Variants in DNAJC15 observed in about 807,000 individuals in gnomAD.
DNAJC15 encodes the protein DnaJ heat shock protein family (Hsp40) member C15.
A neutral mutation model predicts 22.4 loss-of-function variants in DNAJC15; 27 were observed. The observed-to-expected ratio is 1.20, with a 90% confidence interval of 0.89 to 1.66. DNAJC15 has a LOEUF of 1.66. Among genes scored for constraint, DNAJC15 ranks in the 40% most tolerant of loss-of-function variants. The pLI, the probability that DNAJC15 is intolerant of heterozygous loss-of-function variation, is 0.00. For synonymous variants in DNAJC15, 79 were observed against 63.2 expected, an observed-to-expected ratio of 1.25 and a Z score of -1.19; for missense variants, 208 against 187.1, an observed-to-expected ratio of 1.11 and a Z score of -0.65.
intron 4 of DNAJC15, among the ~76,000 whole-genome samples, chr13:43,085,536 T>G (rs1418512544): frequency 6.6e-6 from 1 of 152,136 alleles, no homozygotes; most frequent in Non-Finnish European, 1.5e-5. Flanking sequence ...TTTTTTAAAT[T>G]GATTGAGAAT....
At chr13:43,051,042 T>A (rs1025957998) in intron 1 of DNAJC15, among the ~76,000 whole-genome samples, 2 of 152,202 alleles carry the variant, frequency 1.3e-5, no homozygotes, top group African/African-American at 4.8e-5. Flanking sequence ...TGGCGCAATC[T>A]CAGCTCACTG....
At position 43,108,061 on chromosome 13, in the gene DNAJC15, A is replaced by G. The variant is rs2040806693; in HGVS notation, c.*813A>G. 1 of 152,658 alleles carries G rather than the reference A, an allele frequency of 6.6e-6. No individual in the cohort carries two copies. The highest frequency in any genetic ancestry group is 1.9e-4 in the East Asian group (1 of 5,208). 9.5% of individuals were successfully genotyped at this position (152,658 alleles called of 1,614,324 possible). A position where few individuals can be genotyped will look rare whatever the true frequency, so the allele number is the denominator to read the frequency against. ...GCAGTCATGGATCATGAACCAAAGG[A>G]ACTTATATGTAGAGGAAGGATAAAT... On this transcript the variant is annotated 3_prime_UTR_variant, in exon 6 of 6. Coordinates refer to ENST00000379221, the MANE Select transcript of DNAJC15 (RefSeq NM_013238.3).
At chr13:43,065,230 A>T (rs73473990) in intron 1 of DNAJC15, among the ~76,000 whole-genome samples, 1 of 152,140 alleles carries the variant, frequency 6.6e-6, no homozygotes, top group Non-Finnish European at 1.5e-5. Flanking sequence ...ATCATTTTTG[A>T]TAAGTTTGGA....
chr13:43,094,849 G>A lies in DNAJC15; in HGVS notation c.382+9011G>A, dbSNP rs7319714. Among the ~76,000 whole-genome samples the A allele has an allele frequency of 4.0e-3, 602 of 152,008 alleles. 4 individuals carry two copies. Among genetic ancestry groups the A allele is most frequent in the African/African-American group, 0.013 (558 of 41,436 alleles). ...ATTGCCCATACTTCTAATTTCTTGC[G>A]TTCCACCAAGAATCATCAAATAATC... On this transcript the variant is annotated intron_variant, in intron 5 of 5. Coordinates refer to ENST00000379221, the MANE Select transcript of DNAJC15 (RefSeq NM_013238.3).
chr13:43,076,578 T>C (rs2040634861), intron 3 of DNAJC15, among the ~76,000 whole-genome samples: 1 of 152,234 alleles, frequency 6.6e-6, no homozygotes, highest in Admixed American at 6.5e-5. Flanking sequence ...TTTTATTTCA[T>C]GTAAGCATAC....
At chr13:43,086,645 A>G (rs1221754114) in intron 5 of DNAJC15, among the ~76,000 whole-genome samples, 1 of 152,194 alleles carries the variant, frequency 6.6e-6, no homozygotes, top group Non-Finnish European at 1.5e-5. Context: ...TTTTTTCGCT[A>G]AGCATCATCT....
rs553343620 is a variant in DNAJC15 at position 43,085,929 on chromosome 13, A to G, written c.382+91A>G. 2.9e-4 allele frequency: 356 copies of G among 1,215,114 alleles called. 1 individual carries two copies. Among genetic ancestry groups the G allele is most frequent in the Non-Finnish European group, 3.6e-4 (308 of 855,758 alleles). 75.3% of individuals were successfully genotyped at this position (1,215,114 alleles called of 1,614,324 possible). A position where few individuals can be genotyped will look rare whatever the true frequency, so the allele number is the denominator to read the frequency against. On this transcript the variant is annotated intron_variant, in intron 5 of 5. Coordinates refer to ENST00000379221, the MANE Select transcript of DNAJC15 (RefSeq NM_013238.3). ...AAGTCATATATGATATATAGTTGAG[A>G]TGGAAGTTTGTGCGCCACATGTATT...
chr13:43,039,817 A>G (rs1256663107), intron 1 of DNAJC15, among the ~76,000 whole-genome samples: 6 of 152,170 alleles, frequency 3.9e-5, no homozygotes, highest in African/African-American at 1.4e-4. Context: ...GGAGTTCAAA[A>G]TGACCAGCCT....
intron 1 of DNAJC15, among the ~76,000 whole-genome samples, chr13:43,051,455 C>T (rs747801541): frequency 2.6e-5 from 4 of 152,114 alleles, no homozygotes; most frequent in Admixed American, 6.5e-5. Context: ...CCCCACAATC[C>T]GTTGTATCAA....
At chr13:43,066,364 T>TGG (rs2040584069) in intron 2 of DNAJC15, among the ~76,000 whole-genome samples, 2 of 152,146 alleles carry the variant, frequency 1.3e-5, no homozygotes, top group African/African-American at 2.4e-5. Flanking sequence ...CCTTGGCTCA[T>TGG]GGACCCTTCC....
rs1254019042 is a variant in DNAJC15, at chr13:43,078,626, C to G, written c.249C>G (p.Tyr83Ter). The change falls in exon 4 of 6, where the codon TAC (tyrosine) becomes TAG (stop). Residue 83 changes from tyrosine to a stop codon, truncating the protein, a stop_gained. Coordinates refer to ENST00000379221, the MANE Select transcript of DNAJC15 (RefSeq NM_013238.3). LOFTEE classifies it high-confidence loss of function. ...KKISTPSFSS[Y>*]YKGGFEQKMS... ...TTCCTATACAGAGCTTTTCATCCTA[C>G]TATAAAGGAGGATTTGAACAGAAAA... is the stretch of plus-strand genomic sequence containing the variant. 6.2e-7 allele frequency: 1 copy of G among 1,613,242 alleles called. No individual in the cohort carries two copies. The highest frequency in any genetic ancestry group is 1.1e-5 in the South Asian group (1 of 90,978).
rs527305043 is a variant in DNAJC15, at chr13:43,049,615, A to G, written c.109-16071A>G. ...AGATGTTATTTTATTTTTAAAATTA[A>G]AGCCAAAGAAAGGTATGGTCAGGAG... On this transcript the variant is annotated intron_variant, in intron 1 of 5. Coordinates refer to ENST00000379221, the MANE Select transcript of DNAJC15 (RefSeq NM_013238.3). Among the ~76,000 whole-genome samples the G allele has an allele frequency of 5.9e-5, 9 of 152,346 alleles. 1 individual carries two copies. In the East Asian group the frequency reaches 1.2e-3, roughly 20 times the overall value.
In DNAJC15 at chr13:43,069,409, C is replaced by T. The variant is rs73473993; in HGVS notation, c.234+406C>T. On this transcript the variant is annotated intron_variant, in intron 3 of 5. Transcript: ENST00000379221. The stretch of plus-strand genomic sequence containing the variant: ...GATGAAGCTTATCCAAGAGTTGATG[C>T]CATCTTGTAATTTGAAACTAGTCCC... 1.4e-3 allele frequency among the ~76,000 whole-genome samples: 211 copies of T among 152,210 alleles called. 1 individual carries two copies. The highest frequency in any genetic ancestry group is 4.9e-3 in the African/African-American group (203 of 41,528).
At chr13:43,085,401 G>A (rs2040682933) in intron 4 of DNAJC15, among the ~76,000 whole-genome samples, 1 of 151,960 alleles carries the variant, frequency 6.6e-6, no homozygotes. Context: ...TATGCCTCTG[G>A]AATCCAAATA....
At chr13:43,068,120 G>GA (rs1345817564) in intron 2 of DNAJC15, among the ~76,000 whole-genome samples, 1 of 152,088 alleles carries the variant, frequency 6.6e-6, no homozygotes, top group Non-Finnish European at 1.5e-5. Context: ...GTTAGAAGTT[G>GA]AATTAAAGCC....
At chr13:43,079,807 T>G (rs1336760380) in intron 4 of DNAJC15, among the ~76,000 whole-genome samples, 1 of 152,148 alleles carries the variant, frequency 6.6e-6, no homozygotes. Flanking sequence ...TGACTGTATT[T>G]TTACATTCTC....
At chr13:43,105,729 A>C (rs1356608269) in intron 5 of DNAJC15, among the ~76,000 whole-genome samples, 2 of 152,208 alleles carry the variant, frequency 1.3e-5, no homozygotes, top group African/African-American at 4.8e-5. Flanking sequence ...ATATTTTAAT[A>C]TTTGCTGAGG....
intron 1 of DNAJC15, among the ~76,000 whole-genome samples, chr13:43,035,286 C>T (rs118011447): frequency 6.6e-6 from 1 of 152,230 alleles, no homozygotes; most frequent in East Asian, 1.9e-4. Context: ...AACCTTTCTG[C>T]CATTTGTCAT....
Position 43,023,626 on chromosome 13 carries a change from C to T in DNAJC15, c.-1C>T, listed in dbSNP as rs756701848. The T allele has an allele frequency of 6.2e-6, 10 of 1,608,992 alleles. No homozygotes were observed. Among genetic ancestry groups the T allele is most frequent in the African/African-American group, 1.3e-5 (1 of 74,790 alleles). On this transcript the variant is annotated 5_prime_UTR_variant, in exon 1 of 6. Transcript: ENST00000379221. ...GCCTTGAGTCTCCGGGCCGCCTTGC[C>T]ATGGCTGCCCGTGGTGTCATCGCTC...
Sources: allele counts gnomAD v4.1 joint callset (sites outside exome capture counted in the v4.1 genomes callset), GRCh38; gene constraint gnomAD v4.1.1; transcripts MANE v1.5; gene names NCBI Gene and HGNC (gene_info 2026-07-23, HGNC 2026-07-21).